Variants in MSRA observed in about 807,000 individuals in gnomAD.
MSRA encodes the protein methionine sulfoxide reductase A.
Under a neutral mutation model 31.3 loss-of-function variants are expected in MSRA, and 54 were observed. The observed-to-expected ratio is 1.73, with a 90% CI of 1.39 to 2.17. MSRA has a LOEUF of 2.17. Among genes scored for constraint, MSRA ranks in the 30% most tolerant of loss-of-function variants. MSRA has a pLI of 0.00. For missense variants in MSRA, 507 were observed against 300.9 expected (o/e 1.69, Z -5.07); for synonymous variants, 169 against 116.5 (o/e 1.45, Z -2.90).
intron 1 of MSRA, among the ~76,000 whole-genome samples, chr8:10,081,773 A>C (rs1390291362): frequency 1.3e-5 from 2 of 152,164 alleles, no homozygotes; most frequent in African/African-American, 4.8e-5. Flanking sequence ...ATGGGATTAC[A>C]GGTGTGAGCC....
At chr8:10,117,119 C>G (rs533645692) in intron 1 of MSRA, among the ~76,000 whole-genome samples, 1 of 152,288 alleles carries the variant, frequency 6.6e-6, no homozygotes. Flanking sequence ...ATTTCTTGGC[C>G]TCATGCTTTC....
intron 1 of MSRA, among the ~76,000 whole-genome samples, chr8:10,173,638 C>T (rs115317743): frequency 1.6e-3 from 242 of 152,280 alleles, no homozygotes; most frequent in African/African-American, 4.8e-3. Context: ...GGAATCTTTC[C>T]GCTTGTCTCT....
Position 10,407,189 on chromosome 8 carries a change from C to A in MSRA, c.544-20959C>A, listed in dbSNP as rs147248711. Among the ~76,000 whole-genome samples the A allele has an allele frequency of 2.5e-3, 387 of 152,328 alleles. No individual in the cohort carries two copies. The Middle Eastern group carries it at 0.027, about 11-fold the overall frequency. Reference sequence around the variant, plus strand: ...ACCATGCCCAGCCTAGACTATGTGACATTTTCTTTGTGTTCTTGCAAATGT... The same window carrying A: ...ACCATGCCCAGCCTAGACTATGTGAAATTTTCTTTGTGTTCTTGCAAATGT... On this transcript the variant is annotated intron_variant, in intron 5 of 5. Coordinates refer to ENST00000317173, the MANE Select transcript of MSRA (RefSeq NM_012331.5).
intron 5 of MSRA, among the ~76,000 whole-genome samples, chr8:10,358,227 C>T (rs1482175502): frequency 2.0e-5 from 3 of 152,006 alleles, no homozygotes; most frequent in East Asian, 1.9e-4. Context: ...CCATGCCTGG[C>T]GATGTGAGCC....
intron 3 of MSRA, among the ~76,000 whole-genome samples, chr8:10,256,519 C>T (rs1798188922): frequency 1.3e-5 from 2 of 152,226 alleles, no homozygotes; most frequent in East Asian, 3.8e-4. Context: ...AAATGAAGTT[C>T]TACCAGAGAG....
chr8:10,351,615 G>T (rs916531687), intron 5 of MSRA, among the ~76,000 whole-genome samples: 1 of 152,168 alleles, frequency 6.6e-6, no homozygotes, highest in African/African-American at 2.4e-5. Flanking sequence ...TGAACGTCTG[G>T]TACTTATAAA....
intron 1 of MSRA, among the ~76,000 whole-genome samples, chr8:10,140,997 C>G (rs1044462922): frequency 1.3e-5 from 2 of 152,124 alleles, no homozygotes; most frequent in Non-Finnish European, 2.9e-5. Flanking sequence ...AACGGAAGTC[C>G]TTTTTGGGGG....
intron 1 of MSRA, among the ~76,000 whole-genome samples, chr8:10,062,775 A>C (rs1041711367): frequency 7.2e-5 from 11 of 152,182 alleles, no homozygotes; most frequent in African/African-American, 2.7e-4. Context: ...AACTAGATGG[A>C]ATTTCTGCAG....
intron 1 of MSRA, among the ~76,000 whole-genome samples, chr8:10,115,253 A>G (rs1039566431): frequency 6.6e-6 from 1 of 152,256 alleles, no homozygotes; most frequent in Non-Finnish European, 1.5e-5. Flanking sequence ...AAATATATTC[A>G]TAGAACACTA....
At chr8:10,294,735 C>A (rs932953781) in intron 3 of MSRA, among the ~76,000 whole-genome samples, 1 of 152,098 alleles carries the variant, frequency 6.6e-6, no homozygotes, top group African/African-American at 2.4e-5. Flanking sequence ...ACAGCAGAGC[C>A]CAGTTCACAC....
At chr8:10,070,667 C>T (rs1012009164) in intron 1 of MSRA, among the ~76,000 whole-genome samples, 1 of 152,206 alleles carries the variant, frequency 6.6e-6, no homozygotes, top group Admixed American at 6.5e-5. Context: ...TCACCCCCTG[C>T]CCATGTGCAA....
intron 1 of MSRA, among the ~76,000 whole-genome samples, chr8:10,159,699 G>A (rs1346990874): frequency 6.6e-6 from 1 of 152,142 alleles, no homozygotes; most frequent in East Asian, 1.9e-4. Flanking sequence ...CTCTTGTAAG[G>A]CAGAATTTGA....
chr8:10,111,621 G>C (rs1800290042), intron 1 of MSRA, among the ~76,000 whole-genome samples: 1 of 152,188 alleles, frequency 6.6e-6, no homozygotes, highest in South Asian at 2.1e-4. Flanking sequence ...ATATATGAAT[G>C]CCTAGGTATT....
intron 4 of MSRA, among the ~76,000 whole-genome samples, chr8:10,302,766 GC>G (rs1800917123): frequency 6.6e-6 from 1 of 152,228 alleles, no homozygotes; most frequent in Non-Finnish European, 1.5e-5. Context: ...GAGGCCGGGG[GC>G]ACGATTTCCA....
chr8:10,054,808 C>T, intron 1 of MSRA, 150 bp downstream of exon 1: 9 of 820,264 alleles, frequency 1.1e-5, no homozygotes, highest in Non-Finnish European at 1.2e-5. Flanking sequence ...GAAGGGGCGC[C>T]GGCAGTGGCC....
chr8:10,201,381 A>G (rs1200846900), intron 1 of MSRA, among the ~76,000 whole-genome samples: 1 of 152,058 alleles, frequency 6.6e-6, no homozygotes, highest in African/African-American at 2.4e-5. Context: ...CAGTCCTGAG[A>G]TGATTTTGTG....
At chr8:10,068,566 C>T (rs1405243618) in intron 1 of MSRA, among the ~76,000 whole-genome samples, 1 of 152,196 alleles carries the variant, frequency 6.6e-6, no homozygotes, top group Admixed American at 6.5e-5. Flanking sequence ...AAATGACTGT[C>T]TTTTCTCCAT....
At chr8:10,413,535 C>A in intron 5 of MSRA, among the ~76,000 whole-genome samples, 1 of 151,410 alleles carries the variant, frequency 6.6e-6, no homozygotes, top group African/African-American at 2.4e-5. Context: ...GTATCCGTTA[C>A]TAAACAAAGA....
At chr8:10,256,104 A>T (rs2129089669) in intron 3 of MSRA, among the ~76,000 whole-genome samples, 1 of 152,012 alleles carries the variant, frequency 6.6e-6, no homozygotes, top group East Asian at 1.9e-4. Context: ...ACTGCCCTAA[A>T]ATTCTCTGTG....
Sources: allele counts gnomAD v4.1 joint callset (sites outside exome capture counted in the v4.1 genomes callset), GRCh38; gene constraint gnomAD v4.1.1; transcripts MANE v1.5; gene names NCBI Gene and HGNC (gene_info 2026-07-23, HGNC 2026-07-21).